Variants in PLEKHG4B observed in about 807,000 individuals in gnomAD.
PLEKHG4B encodes the protein pleckstrin homology domain-containing family G member 4B.
Under a neutral mutation model 121.3 loss-of-function variants are expected in PLEKHG4B, and 111 were observed. That is an observed-to-expected ratio of 0.92 (90% CI 0.78 to 1.07). The LOEUF (loss-of-function observed/expected upper bound fraction) is 1.07. Among genes scored for constraint, PLEKHG4B ranks in the 50% least tolerant of loss-of-function variants. PLEKHG4B has a pLI of 0.00. For missense variants in PLEKHG4B, 1,831 were observed against 1,757.8 expected (o/e 1.04, Z -0.74); for synonymous variants, 738 against 725.0 (o/e 1.02, Z -0.29).
chr5:107,315 A>G (rs916090029), intron 1 of PLEKHG4B, among the ~76,000 whole-genome samples: 1 of 152,110 alleles, frequency 6.6e-6, no homozygotes, highest in African/African-American at 2.4e-5. Context: ...CCCTTCTGGG[A>G]TCCACTGCTC....
chr5:179,002 T>C (rs1250536163), intron 18 of PLEKHG4B, among the ~76,000 whole-genome samples: 1 of 152,254 alleles, frequency 6.6e-6, no homozygotes, highest in Non-Finnish European at 1.5e-5. Context: ...TGCTTTTTGT[T>C]CAAATATTTT....
In PLEKHG4B at chr5:170,194, A is replaced by G. The variant is rs755389073; in HGVS notation, c.3729+602A>G. Among the ~76,000 whole-genome samples the G allele has an allele frequency of 7.8e-4, 118 of 152,256 alleles. 1 individual carries two copies. Among genetic ancestry groups the G allele is most frequent in the Non-Finnish European group, 1.4e-3 (93 of 68,044 alleles). On this transcript the variant is annotated intron_variant, in intron 14 of 19. Transcript: ENST00000637938. ...ACTGACAGGCTTTCAACAGGCATTC[A>G]CTGAGTGCTGTGGGCAGATGGGATG...
chr5:173,279 C>A (rs1736632911), intron 17 of PLEKHG4B, among the ~76,000 whole-genome samples: 1 of 152,182 alleles, frequency 6.6e-6, no homozygotes, highest in Non-Finnish European at 1.5e-5. Context: ...CTTCTCCAGT[C>A]CCATGTCCAG....
intron 6 of PLEKHG4B, among the ~76,000 whole-genome samples, chr5:146,571 GGTCCTCCCTCCTCTCCTCCCCCAGA>G (rs1735423982): frequency 9.8e-6 from 1 of 101,540 alleles, no homozygotes; most frequent in Non-Finnish European, 2.0e-5. Flanking sequence ...TTTCCCCTAA[GGTCCTCCCTCCTCTCCTCCCCCAGA>G]GTCCTCCCTC....
chr5:143,597 C>A (rs1416477300), intron 5 of PLEKHG4B, 94 bp downstream of exon 5: 13 of 1,480,560 alleles, frequency 8.8e-6, no homozygotes, highest in Admixed American at 5.3e-5. Flanking sequence ...TGCCAGCTTC[C>A]ATGGCCAGAC....
chr5:169,290 A>G, intron 13 of PLEKHG4B, 50 bp from the exon 14 acceptor site: 1 of 1,599,370 alleles, frequency 6.3e-7, no homozygotes, highest in Non-Finnish European at 8.5e-7. Flanking sequence ...TGCTTTTAAT[A>G]AAGTGTCCGT....
At chr5:180,127 A>G (rs1026056498) in intron 18 of PLEKHG4B, among the ~76,000 whole-genome samples, 3 of 152,056 alleles carry the variant, frequency 2.0e-5, no homozygotes, top group Non-Finnish European at 4.4e-5. Flanking sequence ...TTTTTTATTA[A>G]GTAGTAGATA....
Position 157,567 on chromosome 5 carries a change from GT to G in PLEKHG4B, c.2487+657del, listed in dbSNP as rs1735831398. On this transcript the variant is annotated intron_variant, in intron 11 of 19. Transcript: ENST00000637938. The surrounding 1 kb of genome is among the most constrained non-coding windows in gnomAD (Gnocchi z 4.6). Reference sequence around the variant, plus strand: ...TGGTGGACACACTGCAGAATCTGGGGTCCATATAGCAGTGGCTCTGAAATGA... The same window carrying G: ...TGGTGGACACACTGCAGAATCTGGGGCCATATAGCAGTGGCTCTGAAATGA... Among the ~76,000 whole-genome samples, 1 of 152,074 alleles carries G rather than the reference GT, an allele frequency of 6.6e-6. No individual in the cohort carries two copies. Among genetic ancestry groups the G allele is most frequent in the Admixed American group, 6.5e-5 (1 of 15,268 alleles).
rs1332497208 is a variant in PLEKHG4B, at chr5:132,519, G to T, written c.244-6964G>T. On this transcript the variant is annotated intron_variant, in intron 2 of 19. Transcript: ENST00000637938. Reference sequence around the variant, plus strand: ...GATATTATCTTTTAGAATGTTTATGGTTTCTGGTCTTAGATTTAAGTCTGT... The same window carrying T: ...GATATTATCTTTTAGAATGTTTATGTTTTCTGGTCTTAGATTTAAGTCTGT... Among the ~76,000 whole-genome samples the T allele has an allele frequency of 4.6e-5, 7 of 152,090 alleles. No homozygotes were observed. In the South Asian group the frequency reaches 1.5e-3, roughly 32 times the overall value.
chr5:173,121 G>A, intron 17 of PLEKHG4B, 54 bp downstream of exon 17: 4 of 1,567,414 alleles, frequency 2.6e-6, no homozygotes, highest in East Asian at 2.3e-5. Context: ...CTCCAAGGGG[G>A]TCTCGGACCC....
chr5:172,603 G>A (rs531880035), intron 16 of PLEKHG4B, among the ~76,000 whole-genome samples: 3 of 152,222 alleles, frequency 2.0e-5, no homozygotes, highest in Admixed American at 6.5e-5. Flanking sequence ...GGTGTGGGAC[G>A]CTCACCCCCT....
chr5:155,913 G>A (rs1468991020), intron 9 of PLEKHG4B, among the ~76,000 whole-genome samples, 158 bp from the exon 10 acceptor site: 1 of 151,862 alleles, frequency 6.6e-6, no homozygotes, highest in African/African-American at 2.4e-5. Flanking sequence ...ACCCTCCCTG[G>A]GACAGTCCGG....
chr5:153,379 T>C (rs1368658538), intron 7 of PLEKHG4B, among the ~76,000 whole-genome samples: 1 of 152,228 alleles, frequency 6.6e-6, no homozygotes, highest in Non-Finnish European at 1.5e-5. Context: ...CTGGGGAGAC[T>C]GGATTCTGGT....
intron 18 of PLEKHG4B, among the ~76,000 whole-genome samples, chr5:174,565 G>A (rs968568718): frequency 1.3e-5 from 2 of 152,174 alleles, no homozygotes; most frequent in African/African-American, 4.8e-5. Flanking sequence ...CAACTGGGAG[G>A]ATACAGACTT....
Position 188,046 on chromosome 5 carries a change from C to T in PLEKHG4B, c.*5723C>T, listed in dbSNP as rs1040417079. On this transcript the variant is annotated 3_prime_UTR_variant, in exon 20 of 20. Coordinates refer to ENST00000637938, the MANE Select transcript of PLEKHG4B (RefSeq NM_052909.5). ...CCCCCGCCCTGCTCTCAGGAGCCCC[C>T]TGCCAGGTGCTCTGACCACAGGAAA... The T allele has an allele frequency of 5.2e-5, 8 of 152,486 alleles. No individual in the cohort carries two copies. The highest frequency in any genetic ancestry group is 1.9e-4 in the African/African-American group (8 of 41,586). 9.4% of individuals were successfully genotyped at this position (152,486 alleles called of 1,614,324 possible).
At chr5:162,075 C>T (rs1295343999) in intron 12 of PLEKHG4B, 131 bp downstream of exon 12, 1 of 1,209,290 alleles carries the variant, frequency 8.3e-7, no homozygotes. Flanking sequence ...GCGATGGAGC[C>T]CCCCTGGCCA....
intron 2 of PLEKHG4B, among the ~76,000 whole-genome samples, chr5:133,864 A>C (rs1001766171): frequency 2.6e-5 from 4 of 151,292 alleles, no homozygotes; most frequent in African/African-American, 7.3e-5. Context: ...AACTGCAAAA[A>C]TATGAACCCA....
chr5:135,685 ATATATATATATATATATATATATAT>A lies in PLEKHG4B; in HGVS notation c.244-3797_244-3773del, dbSNP rs1560918196. ...CATCTCAAAAAAAAAAAAAAAAAAT[ATATATATATATATATATATATATAT>A]ATATATATATATATATATGTATGTC... On this transcript the variant is annotated intron_variant, in intron 2 of 19. Transcript: ENST00000637938. Among the ~76,000 whole-genome samples the A allele has an allele frequency of 5.5e-3, 172 of 31,062 alleles. 3 individuals are homozygous for A. Among genetic ancestry groups the A allele is most frequent in the Middle Eastern group, 0.019 (1 of 52 alleles). The allele number at this position is 31,062 out of a possible 152,430, so 20.4% of individuals were successfully genotyped here.
chr5:116,762 T>C (rs1486570856), intron 2 of PLEKHG4B, among the ~76,000 whole-genome samples: 1 of 152,194 alleles, frequency 6.6e-6, no homozygotes, highest in African/African-American at 2.4e-5. Context: ...TGGGCCACTT[T>C]GGTTTATTAG....
Sources: allele counts gnomAD v4.1 joint callset (sites outside exome capture counted in the v4.1 genomes callset), GRCh38; gene constraint gnomAD v4.1.1; non-coding constraint Gnocchi (gnomAD v3.1); transcripts MANE v1.5; gene names NCBI Gene and HGNC (gene_info 2026-07-23, HGNC 2026-07-21).